The following SCARB1 variants were observed in gnomAD, a reference collection of about 807,000 sequenced individuals.
SCARB1 encodes the protein scavenger receptor class B member 1, also known as CD36 and LIMPII analogous 1.
SCARB1 carries 30 observed loss-of-function variants against 57.2 expected under a neutral mutation model. That is an observed-to-expected ratio of 0.52 (90% CI 0.39 to 0.71). The LOEUF (loss-of-function observed/expected upper bound fraction) is 0.71. Ranked by LOEUF, SCARB1 falls within the 30% of genes least tolerant of loss-of-function variation. SCARB1 has a pLI of 0.00. For synonymous variants in SCARB1, 249 were observed against 268.3 expected (o/e 0.93, Z 0.70); for missense variants, 543 against 671.2 (o/e 0.81, Z 2.11).
rs1212555569 is a variant in SCARB1 at position 124,782,822 on chromosome 12, A to G, written c.1402-11T>C. On this transcript the variant is annotated splice_polypyrimidine_tract_variant and intron_variant, in intron 11 of 12. Coordinates refer to ENST00000261693, the MANE Select transcript of SCARB1 (RefSeq NM_005505.5). ...TAAATAGCATTTCTCCTAGAAGATAACCAAGCTAATTTATAGTTGACGTTG... is the reference window on the plus strand; with the variant it reads ...TAAATAGCATTTCTCCTAGAAGATAGCCAAGCTAATTTATAGTTGACGTTG... 1.2e-6 allele frequency: 2 copies of G among 1,613,986 alleles called. No individual in the cohort carries two copies. The highest frequency in any genetic ancestry group is 1.7e-6 in the Non-Finnish European group (2 of 1,179,934).
In SCARB1 at chr12:124,782,679, C is replaced by T. The variant is rs1479293774; in HGVS notation, c.*4G>A. 3.1e-6 allele frequency: 5 copies of T among 1,613,836 alleles called. No homozygotes were observed. The highest frequency in any genetic ancestry group is 1.3e-5 in the African/African-American group (1 of 75,024). On this transcript the variant is annotated splice_donor_region_variant and intron_variant, in intron 12 of 12. Coordinates refer to ENST00000261693, the MANE Select transcript of SCARB1 (RefSeq NM_005505.5). ...GGAGGCGCACGGCATTACCTGGTAC[C>T]CACCTACAGTTTTGCTTCCTGCAGC...
intron 1 of SCARB1, among the ~76,000 whole-genome samples, chr12:124,831,320 G>A (rs916276814): frequency 9.2e-5 from 14 of 151,838 alleles, no homozygotes; most frequent in African/African-American, 7.3e-5. Context: ...TTACCATGTC[G>A]GCCAGGCTGA....
chr12:124,837,426 GAAGA>G (rs1355485653), intron 1 of SCARB1, among the ~76,000 whole-genome samples: 1 of 147,598 alleles, frequency 6.8e-6, no homozygotes, highest in Non-Finnish European at 1.5e-5. Flanking sequence ...GGAAAGAGGG[GAAGA>G]AAGGGAAGAA....
chr12:124,786,365 G>A lies in SCARB1; in HGVS notation c.1393C>T (p.Arg465Trp), dbSNP rs766544619. Residue 465 changes from arginine (R) to tryptophan (W), a missense_variant, in exon 11 of 13, where the codon CGG (arginine) becomes TGG (tryptophan). Physicochemically the swap from Arg to Trp is moderately radical, Grantham distance 101 (BLOSUM62 -3). Transcript: ENST00000261693. ...CTCTGGCCAGCACCTACTTGGCTCCGGATTTGGCAGATGACAGGGACCAGC... is the reference window on the plus strand; with the variant it reads ...CTCTGGCCAGCACCTACTTGGCTCCAGATTTGGCAGATGACAGGGACCAGC... The part of the protein sequence containing the change: ...LLLVPVICQI[R>W]SQEKCYLFWS... 5.0e-6 allele frequency: 8 copies of A among 1,613,956 alleles called. No homozygotes were observed. The highest frequency in any genetic ancestry group is 3.3e-5 in the South Asian group (3 of 91,076).
intron 1 of SCARB1, among the ~76,000 whole-genome samples, chr12:124,860,715 G>A (rs1269884656): frequency 1.3e-5 from 2 of 152,184 alleles, no homozygotes; most frequent in East Asian, 3.8e-4. Context: ...ACACGAAGAG[G>A]GATGTGTCGG....
At position 124,786,614 on chromosome 12, in the gene SCARB1, A is replaced by G. The variant is rs926970896; in HGVS notation, c.1255-111T>C. 12 of 1,544,378 alleles carry G rather than the reference A, an allele frequency of 7.8e-6. No homozygotes were observed. In the African/African-American group the frequency reaches 9.5e-5, roughly 12 times the overall value. On this transcript the variant is annotated intron_variant, in intron 10 of 12. Coordinates refer to ENST00000261693, the MANE Select transcript of SCARB1 (RefSeq NM_005505.5). Reference sequence around the variant, plus strand: ...CCCGCCTCAGCTTTTCCCCACCTCAAGCTTCCCGGCTAAAGCATGTGTTGG... The same window carrying G: ...CCCGCCTCAGCTTTTCCCCACCTCAGGCTTCCCGGCTAAAGCATGTGTTGG...
chr12:124,802,901 A>C (rs1421145483), intron 7 of SCARB1, among the ~76,000 whole-genome samples: 1 of 152,190 alleles, frequency 6.6e-6, no homozygotes, highest in Non-Finnish European at 1.5e-5. Context: ...CATGCCACAG[A>C]AACACAGACA....
Position 124,863,847 on chromosome 12 carries a change from G to T in SCARB1, c.-127C>A. 8.3e-7 allele frequency: 1 copy of T among 1,211,612 alleles called. No individual in the cohort carries two copies. Among genetic ancestry groups the T allele is most frequent in the South Asian group, 2.0e-5 (1 of 50,548 alleles). 75.1% of individuals were successfully genotyped at this position (1,211,612 alleles called of 1,614,324 possible). ...GGCCGCAGAGGCACGGTGGATCCGG[G>T]ACGGCAGCGCACGCAGGAGCAGCCC... On this transcript the variant is annotated 5_prime_UTR_variant, in exon 1 of 13. Coordinates refer to ENST00000261693, the MANE Select transcript of SCARB1 (RefSeq NM_005505.5).
chr12:124,815,285 G>A (rs915633522), intron 2 of SCARB1, among the ~76,000 whole-genome samples, 171 bp from the exon 3 acceptor site: 2 of 152,186 alleles, frequency 1.3e-5, no homozygotes, highest in East Asian at 3.9e-4. Context: ...CCCTCCCGCC[G>A]CCTGCCCACT....
At chr12:124,852,661 T>C (rs1952463606) in intron 1 of SCARB1, among the ~76,000 whole-genome samples, 1 of 152,266 alleles carries the variant, frequency 6.6e-6, no homozygotes, top group Non-Finnish European at 1.5e-5. Context: ...ATAAAGTCTC[T>C]GTCCTCATGG....
Position 124,817,128 on chromosome 12 carries a change from GTGTGTATGTGTA to G in SCARB1, c.284+410_284+421del, listed in dbSNP as rs10591427. Among the ~76,000 whole-genome samples, 5 of 149,720 alleles carry G rather than the reference GTGTGTATGTGTA, an allele frequency of 3.3e-5. No individual in the cohort carries two copies. Among genetic ancestry groups the G allele is most frequent in the South Asian group, 2.1e-4 (1 of 4,748 alleles). ...TGTATGTACGTGTGTATGTATGTAT[GTGTGTATGTGTA>G]TGTGTATGTGTGTGTATGTATGTGT... On this transcript the variant is annotated intron_variant, in intron 2 of 12. Transcript: ENST00000261693. The surrounding 1 kb of genome is among the most constrained non-coding windows in gnomAD (Gnocchi z 4.8).
chr12:124,785,253 C>G (rs838896), intron 11 of SCARB1: 95,180 of 152,386 alleles, frequency 0.62, 30,236 homozygotes, highest in South Asian at 0.73. Flanking sequence ...GCCTCCAATG[C>G]CTCTGTCACT....
chr12:124,804,473 G>C (rs1950255909), intron 7 of SCARB1, among the ~76,000 whole-genome samples: 3 of 152,194 alleles, frequency 2.0e-5, no homozygotes, highest in Admixed American at 6.5e-5. Flanking sequence ...ACCAAGAAGT[G>C]CCCTTTTGGC....
At chr12:124,826,658 C>T (rs557362003) in intron 1 of SCARB1, among the ~76,000 whole-genome samples, 81 of 152,078 alleles carry the variant, frequency 5.3e-4, no homozygotes, top group African/African-American at 1.9e-3. Flanking sequence ...CAAGGTCTCA[C>T]TATGTTGCCC....
chr12:124,829,954 C>T (rs112034100), intron 1 of SCARB1, among the ~76,000 whole-genome samples: 63 of 152,294 alleles, frequency 4.1e-4, no homozygotes, highest in African/African-American at 1.3e-3. Flanking sequence ...TCCTGCTGCC[C>T]GGAATTCAGT....
intron 1 of SCARB1, among the ~76,000 whole-genome samples, chr12:124,824,013 T>A (rs35377987): frequency 0.37 from 51,717 of 140,006 alleles, 9,461 homozygotes; most frequent in Non-Finnish European, 0.43. Flanking sequence ...AAAAAAAAAA[T>A]ATATACAAAA....
At position 124,800,364 on chromosome 12, in the gene SCARB1, A is replaced by G; in HGVS notation, c.1010-122T>C. ...CCCCCGTGGCGATGACAAGATAACCAGACAGAGAGGATCCCTTCCTCCATT... is the reference window on the plus strand; with the variant it reads ...CCCCCGTGGCGATGACAAGATAACCGGACAGAGAGGATCCCTTCCTCCATT... On this transcript the variant is annotated intron_variant, in intron 7 of 12. Transcript: ENST00000261693. The surrounding 1 kb of genome is among the most constrained non-coding windows in gnomAD (Gnocchi z 4.8). 2.9e-6 allele frequency: 2 copies of G among 696,012 alleles called. No homozygotes were observed. The highest frequency in any genetic ancestry group is 1.7e-5 in the South Asian group (1 of 58,012). 43.1% of individuals were successfully genotyped at this position (696,012 alleles called of 1,614,324 possible).
chr12:124,790,192 T>C (rs1949677286), intron 9 of SCARB1, among the ~76,000 whole-genome samples: 1 of 150,970 alleles, frequency 6.6e-6, no homozygotes, highest in Non-Finnish European at 1.5e-5. Flanking sequence ...CTGGGCAACA[T>C]AGTGAGACCC....
intron 12 of SCARB1, among the ~76,000 whole-genome samples, chr12:124,780,802 CTCTA>C (rs1873304200): frequency 6.6e-6 from 1 of 152,200 alleles, no homozygotes; most frequent in Admixed American, 6.5e-5. Flanking sequence ...GCCCTGGCCA[CTCTA>C]TCTATGCTAA....
Sources: allele counts gnomAD v4.1 joint callset (sites outside exome capture counted in the v4.1 genomes callset), GRCh38; gene constraint gnomAD v4.1.1; non-coding constraint Gnocchi (gnomAD v3.1); transcripts MANE v1.5; gene names NCBI Gene and HGNC (gene_info 2026-07-23, HGNC 2026-07-21).